Variants in CDHR1 observed in about 807,000 individuals in gnomAD.
The protein encoded by CDHR1 is cadherin-related family member 1.
CDHR1 carries 61 observed loss-of-function variants against 72.1 expected under a neutral mutation model. The observed-to-expected ratio is 0.85, with a 90% CI of 0.69 to 1.05. CDHR1 has a LOEUF of 1.05. Among genes scored for constraint, CDHR1 ranks in the 50% least tolerant of loss-of-function variants. The probability of loss-of-function intolerance (pLI) is 0.00; values close to 1 mark genes in which losing one functional copy is unlikely to be tolerated. For missense variants in CDHR1, 1,186 were observed against 1,115.7 expected, an observed-to-expected ratio of 1.06 and a Z score of -0.90; for synonymous variants, 470 against 448.1, an observed-to-expected ratio of 1.05 and a Z score of -0.62.
chr10:84,198,920 GAGA>G, intron 4 of CDHR1, 109 bp from the exon 5 acceptor site: 1 of 806,260 alleles, frequency 1.2e-6, no homozygotes, highest in Non-Finnish European at 2.1e-6. Context: ...GAGAGAGAGA[GAGA>G]GAGGAGGGAT....
At chr10:84,208,927 G>A (rs762940130) in intron 12 of CDHR1, 46 bp downstream of exon 12, 5 of 1,592,494 alleles carry the variant, frequency 3.1e-6, no homozygotes, top group Non-Finnish European at 4.3e-6. Context: ...AGGGTCCCAG[G>A]AATTCATACC....
Position 84,201,887 on chromosome 10 carries a change from G to A in CDHR1, c.606G>A (p.Arg202=). Residue 202 remains arginine (R), a synonymous_variant, in exon 7 of 17, where the codon AGG becomes AGA. Transcript: ENST00000623527. ...LQAGATLDYE[R]SRTHYITVVA... ...CTGGGGCCACTCTGGACTACGAGAGGTCCCGGACCCACTACATCACCGTGG... is the reference window on the plus strand; with the variant it reads ...CTGGGGCCACTCTGGACTACGAGAGATCCCGGACCCACTACATCACCGTGG... 6.2e-7 allele frequency: 1 copy of A among 1,607,984 alleles called. No individual in the cohort carries two copies. Among genetic ancestry groups the A allele is most frequent in the Non-Finnish European group, 8.5e-7 (1 of 1,179,966 alleles).
chr10:84,201,828 G>A lies in CDHR1; in HGVS notation c.547G>A (p.Val183Met), dbSNP rs142109115. ...ATAGAACCTGCACTCCCCATTTGCC[G>A]TGGACCGCCACAGCGGTGTGCTGCG... ...FLQNLHSPFA[V>M]DRHSGVLRLQ... The change falls in exon 7 of 17, where the codon GTG (valine) becomes ATG (methionine). Residue 183 changes from valine to methionine, a missense_variant. Val to Met is a conservative substitution (Grantham distance 21). Transcript: ENST00000623527. 3.0e-4 allele frequency: 491 copies of A among 1,610,444 alleles called. 1 individual carries two copies. In the Middle Eastern group the frequency reaches 4.3e-3, roughly 14 times the overall value.
intron 8 of CDHR1, among the ~76,000 whole-genome samples, chr10:84,203,976 T>C (rs1842177930): frequency 6.6e-6 from 1 of 152,074 alleles, no homozygotes; most frequent in Non-Finnish European, 1.5e-5. Context: ...GAAAGGCTTG[T>C]GTAGGGGGGC....
chr10:84,197,848 T>A lies in CDHR1; in HGVS notation c.348+12T>A, dbSNP rs1428358865. The A allele has an allele frequency of 1.8e-5, 29 of 1,612,226 alleles. No individual in the cohort carries two copies. Among genetic ancestry groups the A allele is most frequent in the Non-Finnish European group, 2.5e-5 (29 of 1,178,742 alleles). ...ATGGCCTGAATCTGGTGAGTGCACG[T>A]CCAAGGCAGTCCCTGGCAGCCTGCA... On this transcript the variant is annotated intron_variant, in intron 4 of 16. Transcript: ENST00000623527.
intron 6 of CDHR1, among the ~76,000 whole-genome samples, chr10:84,201,120 C>T (rs1350106369): frequency 6.6e-6 from 1 of 152,104 alleles, no homozygotes; most frequent in Non-Finnish European, 1.5e-5. Flanking sequence ...CCCCACCCCT[C>T]ACCACTCCCG....
intron 10 of CDHR1, among the ~76,000 whole-genome samples, chr10:84,206,916 A>C (rs903907446): frequency 7.9e-5 from 12 of 152,188 alleles, no homozygotes; most frequent in Non-Finnish European, 1.5e-5. Flanking sequence ...GACAAAATGA[A>C]AAGTATGCAT....
intron 7 of CDHR1, 120 bp downstream of exon 7, chr10:84,202,040 A>G (rs1328761331): frequency 1.3e-6 from 1 of 768,094 alleles, no homozygotes; most frequent in African/African-American, 1.7e-5. Flanking sequence ...GGCGTGGGGA[A>G]ATAGGGAGCA....
At chr10:84,211,340 C>A (rs1177134861) in intron 13 of CDHR1, among the ~76,000 whole-genome samples, 175 bp downstream of exon 13, 1 of 152,240 alleles carries the variant, frequency 6.6e-6, no homozygotes, top group Non-Finnish European at 1.5e-5. Context: ...GGTATTACAA[C>A]ACCTCACAGG....
Position 84,205,820 on chromosome 10 carries a change from T to A in CDHR1, c.863-7T>A. ...TGCAGAACTTCAGGGTGCATCTCCC[T>A]TGACAGGGAACGATGGAGCCTTTGA... On this transcript the variant is annotated splice_region_variant and splice_polypyrimidine_tract_variant and intron_variant, in intron 9 of 16. Transcript: ENST00000623527. 1.2e-6 allele frequency: 2 copies of A among 1,611,530 alleles called. No individual in the cohort carries two copies. The highest frequency in any genetic ancestry group is 2.2e-5 in the South Asian group (2 of 90,860).
In CDHR1 at chr10:84,214,503, A is replaced by C; in HGVS notation, c.2462A>C (p.Gln821Pro). Residue 821 changes from glutamine to proline, a missense_variant, in exon 17 of 17, where the codon CAG becomes CCG. Gln to Pro is a moderately conservative substitution (Grantham distance 76). Coordinates refer to ENST00000623527, the MANE Select transcript of CDHR1 (RefSeq NM_033100.4). ...ACTGTCTCTGGCTCTCTCACTCCGCAGCCGACCCAACCCCCGCCAAAACCC... is the reference window on the plus strand; with the variant it reads ...ACTGTCTCTGGCTCTCTCACTCCGCCGCCGACCCAACCCCCGCCAAAACCC... ...VPTVSGSLTPQPTQPPPKPKT... is the reference protein window; with the variant it reads ...VPTVSGSLTPPPTQPPPKPKT... 1 of 1,605,778 alleles carries C rather than the reference A, an allele frequency of 6.2e-7. No individual in the cohort carries two copies. Among genetic ancestry groups the C allele is most frequent in the Non-Finnish European group, 8.5e-7 (1 of 1,179,580 alleles).
At chr10:84,211,222 C>G in intron 13 of CDHR1, 57 bp downstream of exon 13, 1 of 1,580,120 alleles carries the variant, frequency 6.3e-7, no homozygotes, top group East Asian at 2.2e-5. Flanking sequence ...TGAAGCCAGA[C>G]AAATCTGGAA....
rs769407781 is a variant in CDHR1, at chr10:84,205,796, G to T, written c.863-31G>T. On this transcript the variant is annotated intron_variant, in intron 9 of 16. Transcript: ENST00000623527. ...CCCCTGCGCCTCCCTGTGGTCCTGTGCAGAACTTCAGGGTGCATCTCCCTT... is the reference window on the plus strand; with the variant it reads ...CCCCTGCGCCTCCCTGTGGTCCTGTTCAGAACTTCAGGGTGCATCTCCCTT... 2.8e-5 allele frequency: 42 copies of T among 1,521,734 alleles called. No individual in the cohort carries two copies. In the Admixed American group the frequency reaches 7.1e-4, roughly 26 times the overall value. The allele number at this position is 1,521,734 out of a possible 1,614,324, so 94.3% of individuals were successfully genotyped here. A position where few individuals can be genotyped will look rare whatever the true frequency, so the allele number is the denominator to read the frequency against.
At chr10:84,197,958 C>A in intron 4 of CDHR1, 122 bp downstream of exon 4, 1 of 922,166 alleles carries the variant, frequency 1.1e-6, no homozygotes, top group Non-Finnish European at 1.7e-6. Context: ...AGCTAGGGCC[C>A]AGCAAGACCT....
At chr10:84,214,025 T>C in intron 16 of CDHR1, 57 bp from the exon 17 acceptor site, 1 of 1,611,716 alleles carries the variant, frequency 6.2e-7, no homozygotes, top group South Asian at 1.1e-5. Flanking sequence ...ATACCTACTC[T>C]GTACTCCAGG....
At chr10:84,205,514 T>A (rs976543731) in intron 9 of CDHR1, among the ~76,000 whole-genome samples, 100 of 145,118 alleles carry the variant, frequency 6.9e-4, no homozygotes, top group Non-Finnish European at 9.9e-4. Flanking sequence ...TCTCTTTTCT[T>A]CACACACACA....
intron 4 of CDHR1, 43 bp downstream of exon 4, chr10:84,197,879 TG>T (rs1395561129): frequency 6.3e-7 from 1 of 1,590,796 alleles, no homozygotes; most frequent in Admixed American, 1.7e-5. Context: ...CTGCAGTATT[TG>T]GGCCTGAGAA....
chr10:84,206,188 G>C (rs1003264546), intron 10 of CDHR1, among the ~76,000 whole-genome samples: 3 of 152,194 alleles, frequency 2.0e-5, no homozygotes, highest in African/African-American at 4.8e-5. Flanking sequence ...TTGGGTGGGT[G>C]GGGGTGGAGT....
In CDHR1 at chr10:84,215,922, T is replaced by A. The variant is rs1017575828; in HGVS notation, c.*1301T>A. ...AGAACCAGAGCTCCAAGTCTTTAAT[T>A]TGCCAAGATGAAGAAAATGAGTTCT... On this transcript the variant is annotated 3_prime_UTR_variant, in exon 17 of 17. Transcript: ENST00000623527. The A allele has an allele frequency of 3.5e-5, 34 of 985,448 alleles. No homozygotes were observed. The highest frequency in any genetic ancestry group is 4.1e-5 in the Non-Finnish European group (34 of 829,968). 61.0% of individuals were successfully genotyped at this position (985,448 alleles called of 1,614,324 possible).
Sources: allele counts gnomAD v4.1 joint callset (sites outside exome capture counted in the v4.1 genomes callset), GRCh38; gene constraint gnomAD v4.1.1; transcripts MANE v1.5; gene names NCBI Gene and HGNC (gene_info 2026-07-23, HGNC 2026-07-21).